PTPN1: variants seen among roughly 807,000 people sequenced by gnomAD.
PTPN1 encodes the protein tyrosine-protein phosphatase non-receptor type 1.
In PTPN1, 12 loss-of-function variants were observed where a neutral mutation model predicts 59.9. The ratio of observed to expected loss-of-function variants is 0.20; its 90% CI spans 0.13 to 0.32. The LOEUF is 0.32. PTPN1 is among the 10% of genes least tolerant of loss of function. The pLI is 1.00. For synonymous variants in PTPN1, 178 were observed against 203.6 expected (o/e 0.87, Z 1.07); for missense variants, 356 against 549.2 (o/e 0.65, Z 3.52).
At chr20:50,575,606 A>G (rs2082832822) in intron 5 of PTPN1, among the ~76,000 whole-genome samples, 3 of 152,124 alleles carry the variant, frequency 2.0e-5, no homozygotes, top group Admixed American at 6.5e-5. Flanking sequence ...CTTTTTAATC[A>G]TCATGGCTCC....
chr20:50,518,186 G>GC (rs1397215157), intron 1 of PTPN1, among the ~76,000 whole-genome samples: 1 of 152,142 alleles, frequency 6.6e-6, no homozygotes, highest in African/African-American at 2.4e-5. Context: ...ACAGCAAACA[G>GC]CTTAGCTAAT....
chr20:50,543,281 G>A (rs1427032684), intron 1 of PTPN1, among the ~76,000 whole-genome samples: 2 of 152,200 alleles, frequency 1.3e-5, no homozygotes, highest in Non-Finnish European at 1.5e-5. Flanking sequence ...CAAAGGAGCA[G>A]TATTTATTTT....
intron 1 of PTPN1, among the ~76,000 whole-genome samples, chr20:50,517,864 T>C (rs550366045): frequency 6.6e-6 from 1 of 152,348 alleles, no homozygotes; most frequent in East Asian, 1.9e-4. Context: ...TGTCCCTGTC[T>C]CCTTCTCTTT....
At chr20:50,572,810 C>G (rs1178761882) in intron 4 of PTPN1, 1 of 152,208 alleles carries the variant, frequency 6.6e-6, no homozygotes, top group Non-Finnish European at 1.5e-5. Context: ...GCTGCCACAC[C>G]CACTTTGGCT....
rs2122817027 is a variant in PTPN1 at position 50,585,094 on chromosome 20, T to C, written c.*2379T>C. ...GTTTTGAGTTGTAATCTCAAAACCATATCCCTTACCCAATTACCTGTAAGA... is the reference window on the plus strand; with the variant it reads ...GTTTTGAGTTGTAATCTCAAAACCACATCCCTTACCCAATTACCTGTAAGA... On this transcript the variant is annotated 3_prime_UTR_variant, in exon 10 of 10. Coordinates refer to ENST00000371621, the MANE Select transcript of PTPN1 (RefSeq NM_002827.4). The C allele has an allele frequency of 6.6e-6, 1 of 152,348 alleles. No individual in the cohort carries two copies. Among genetic ancestry groups the C allele is most frequent in the Non-Finnish European group, 1.5e-5 (1 of 68,040 alleles). The allele number at this position is 152,348 out of a possible 1,614,324, so 9.4% of individuals were successfully genotyped here.
At chr20:50,558,991 C>T (rs2122773953) in intron 1 of PTPN1, among the ~76,000 whole-genome samples, 1 of 151,050 alleles carries the variant, frequency 6.6e-6, no homozygotes, top group African/African-American at 2.4e-5. Context: ...AAAGGGGGAG[C>T]ATGGATGATA....
intron 4 of PTPN1, chr20:50,571,032 G>T (rs2082805863): frequency 6.6e-6 from 1 of 152,258 alleles, no homozygotes; most frequent in Non-Finnish European, 1.5e-5. Flanking sequence ...CCTCTTTGCT[G>T]TGAGCACAAG....
At chr20:50,569,017 A>G (rs1204733949) in intron 4 of PTPN1, among the ~76,000 whole-genome samples, 25 of 152,074 alleles carry the variant, frequency 1.6e-4, no homozygotes, top group Admixed American at 1.6e-3. Context: ...CAACTTTTCA[A>G]ACACCCCTCG....
At chr20:50,571,633 C>G (rs1047789162) in intron 4 of PTPN1, 1 of 152,184 alleles carries the variant, frequency 6.6e-6, no homozygotes, top group African/African-American at 2.4e-5. Flanking sequence ...TTTTGGCAAA[C>G]ATGCCTGTTA....
intron 1 of PTPN1, among the ~76,000 whole-genome samples, chr20:50,547,552 C>T (rs976392721): frequency 6.6e-6 from 1 of 151,958 alleles, no homozygotes; most frequent in Non-Finnish European, 1.5e-5. Context: ...TTAGTAGAGA[C>T]GGGGTTTCAC....
At chr20:50,542,115 T>G (rs2082655678) in intron 1 of PTPN1, among the ~76,000 whole-genome samples, 1 of 152,188 alleles carries the variant, frequency 6.6e-6, no homozygotes. Context: ...AGGACAAAAA[T>G]TGGCTGCAAG....
intron 1 of PTPN1, among the ~76,000 whole-genome samples, chr20:50,518,567 AGAAGGTACCCAGT>A (rs1422703021): frequency 1.3e-5 from 2 of 152,236 alleles, no homozygotes; most frequent in African/African-American, 2.4e-5. Flanking sequence ...GAGGCCTCTA[AGAAGGTACCCAGT>A]GAATTTTTTT....
rs1051680709 is a variant in PTPN1 at position 50,582,135 on chromosome 20, T to C, written c.1285-557T>C. Among the ~76,000 whole-genome samples the C allele has an allele frequency of 3.9e-5, 6 of 152,238 alleles. No homozygotes were observed. Among genetic ancestry groups the C allele is most frequent in the Middle Eastern group, 6.3e-3 (2 of 316 alleles). ...CTGCTTCTGCTCAGGGTGTCCCCGC[T>C]GGGTTTCCATTGTCCTTTCTCCATT... On this transcript the variant is annotated intron_variant, in intron 9 of 9. Transcript: ENST00000371621. The surrounding 1 kb of genome is among the most constrained non-coding windows in gnomAD (Gnocchi z 4.2).
rs1307625520 is a variant in PTPN1 at position 50,510,609 on chromosome 20, G to T, written c.63+19G>T. On this transcript the variant is annotated intron_variant, in intron 1 of 9. Coordinates refer to ENST00000371621, the MANE Select transcript of PTPN1 (RefSeq NM_002827.4). ...TTACCAGGTGCGGGAGCGCCCCGGA[G>T]CGTGGCGGGCCCTTCGCTTAGGCCG... 2 of 1,550,098 alleles carry T rather than the reference G, an allele frequency of 1.3e-6. No individual in the cohort carries two copies.
At position 50,568,886 on chromosome 20, in the gene PTPN1, C is replaced by T. The variant is rs3787345; in HGVS notation, c.354+408C>T. 0.58 allele frequency among the ~76,000 whole-genome samples: 88,047 copies of T among 151,944 alleles called. 25,503 individuals carry two copies. The highest frequency in any genetic ancestry group is 0.73 in the Middle Eastern group (216 of 294). On this transcript the variant is annotated intron_variant, in intron 4 of 9. Transcript: ENST00000371621. This position sits in a 1 kb window ranked among gnomAD's most constrained non-coding sequence, Gnocchi z 5.6. ...GCTGGTGAGAGTGTGGCTACCTCTG[C>T]GGAGCTGTGGGAGCGGCTGACTAGA...
At position 50,582,855 on chromosome 20, in the gene PTPN1, A is replaced by G; in HGVS notation, c.*140A>G. ...GGCCCCGGACGGACGTTGGTTCTGC[A>G]CTAAAACCCATCTTCCCCGGATGTG... On this transcript the variant is annotated 3_prime_UTR_variant, in exon 10 of 10. Coordinates refer to ENST00000371621, the MANE Select transcript of PTPN1 (RefSeq NM_002827.4). The surrounding 1 kb of genome is among the most constrained non-coding windows in gnomAD (Gnocchi z 4.2). 1 of 975,324 alleles carries G rather than the reference A, an allele frequency of 1.0e-6. No individual in the cohort carries two copies. Among genetic ancestry groups the G allele is most frequent in the Non-Finnish European group, 1.6e-6 (1 of 641,698 alleles). 60.4% of individuals were successfully genotyped at this position (975,324 alleles called of 1,614,324 possible).
chr20:50,510,434 G>T lies in PTPN1; in HGVS notation c.-94G>T, dbSNP rs1345470236. 3.6e-6 allele frequency: 5 copies of T among 1,387,522 alleles called. No homozygotes were observed. Among genetic ancestry groups the T allele is most frequent in the Non-Finnish European group, 4.9e-6 (5 of 1,019,534 alleles). 86.0% of individuals were successfully genotyped at this position (1,387,522 alleles called of 1,614,324 possible). A position where few individuals can be genotyped will look rare whatever the true frequency, so the allele number is the denominator to read the frequency against. The stretch of plus-strand genomic sequence containing the variant: ...GCGGTAGCTGCAGGGGTCGGGGATT[G>T]CAGCGGGCCTCGGGGCTAAGAGCGC... On this transcript the variant is annotated 5_prime_UTR_variant, in exon 1 of 10. Transcript: ENST00000371621.
At chr20:50,577,804 G>A (rs1367732921) in intron 5 of PTPN1, 1 of 152,458 alleles carries the variant, frequency 6.6e-6, no homozygotes, top group Non-Finnish European at 1.5e-5. Flanking sequence ...AGCAGCTGGT[G>A]GGAGAGCGCA....
At chr20:50,547,244 T>G (rs1015313801) in intron 1 of PTPN1, among the ~76,000 whole-genome samples, 1 of 152,206 alleles carries the variant, frequency 6.6e-6, no homozygotes, top group Non-Finnish European at 1.5e-5. Flanking sequence ...TTTATACCTT[T>G]GGTAACGATT....
Sources: allele counts gnomAD v4.1 joint callset (sites outside exome capture counted in the v4.1 genomes callset), GRCh38; gene constraint gnomAD v4.1.1; non-coding constraint Gnocchi (gnomAD v3.1); transcripts MANE v1.5; gene names NCBI Gene and HGNC (gene_info 2026-07-23, HGNC 2026-07-21).